Variants in PROSER2 observed in about 807,000 individuals in gnomAD.
PROSER2 encodes the protein proline and serine rich 2.
A neutral mutation model predicts 14.6 loss-of-function variants in PROSER2; 18 were observed. That is an observed-to-expected ratio of 1.23 (90% confidence interval 0.85 to 1.83). The LOEUF (loss-of-function observed/expected upper bound fraction) is 1.83, where lower values mean the gene tolerates loss of function less well. Among genes scored for constraint, PROSER2 ranks in the 40% most tolerant of loss-of-function variants. The probability of loss-of-function intolerance (pLI) is 0.00; values close to 1 mark genes in which losing one functional copy is unlikely to be tolerated. For synonymous variants in PROSER2, 367 were observed against 286.4 expected, an observed-to-expected ratio of 1.28 and a Z score of -2.84; for missense variants, 823 against 629.8, an observed-to-expected ratio of 1.31 and a Z score of -3.28.
In PROSER2 at chr10:11,870,400, T is replaced by C; in HGVS notation, c.1302T>C (p.Ser434=). 1 of 1,493,930 alleles carries C rather than the reference T, an allele frequency of 6.7e-7. No homozygotes were observed. Among genetic ancestry groups the C allele is most frequent in the Non-Finnish European group, 8.9e-7 (1 of 1,124,702 alleles). The allele number at this position is 1,493,930 out of a possible 1,614,324, so 92.5% of individuals were successfully genotyped here. ...ALRKLGLLRE[S]S The stretch of plus-strand genomic sequence containing the variant: ...GGAAGCTGGGGCTGCTCAGGGAGAG[T>C]TCGTGAGGGCCGCGCGGGCTCCAGT... Residue 434 remains serine (S), a synonymous_variant, in exon 4 of 4, where the codon AGT becomes AGC. Coordinates refer to ENST00000277570, the MANE Select transcript of PROSER2 (RefSeq NM_153256.4).
chr10:11,837,455 A>G lies in PROSER2; in HGVS notation c.-82+13985A>G, dbSNP rs1037158893. ...GTGCTGTCTGCAGATCCAAGCATCCACTGAGGGTCTTGGAACATACCCCCT... is the reference window on the plus strand; with the variant it reads ...GTGCTGTCTGCAGATCCAAGCATCCGCTGAGGGTCTTGGAACATACCCCCT... On this transcript the variant is annotated intron_variant, in intron 1 of 3. Transcript: ENST00000277570. This position sits in a 1 kb window ranked among gnomAD's most constrained non-coding sequence, Gnocchi z 4.6. Among the ~76,000 whole-genome samples the G allele has an allele frequency of 3.9e-5, 6 of 152,180 alleles. No individual in the cohort carries two copies. Among genetic ancestry groups the G allele is most frequent in the African/African-American group, 1.4e-4 (6 of 41,440 alleles).
intron 1 of PROSER2, among the ~76,000 whole-genome samples, chr10:11,832,259 G>C (rs1354836398): frequency 1.3e-5 from 2 of 152,154 alleles, no homozygotes; most frequent in Non-Finnish European, 1.5e-5. Flanking sequence ...ATCTTTCTTT[G>C]ATCTTCAGTG....
At chr10:11,831,309 T>A (rs1833686168) in intron 1 of PROSER2, among the ~76,000 whole-genome samples, 1 of 152,298 alleles carries the variant, frequency 6.6e-6, no homozygotes, top group African/African-American at 2.4e-5. Flanking sequence ...ACTACATTTA[T>A]CTCATTAGTG....
chr10:11,844,607 A>G (rs1833898029), intron 1 of PROSER2, among the ~76,000 whole-genome samples: 1 of 152,208 alleles, frequency 6.6e-6, no homozygotes, highest in African/African-American at 2.4e-5. Flanking sequence ...ACTCATCAGT[A>G]CATGGAGAGC....
chr10:11,840,361 C>T (rs1038000336), intron 1 of PROSER2, among the ~76,000 whole-genome samples: 1 of 151,390 alleles, frequency 6.6e-6, no homozygotes, highest in South Asian at 2.1e-4. Flanking sequence ...TTTTAAGTTT[C>T]TCAAATGCTT....
At chr10:11,842,979 C>T (rs1432396241) in intron 1 of PROSER2, among the ~76,000 whole-genome samples, 4 of 86,448 alleles carry the variant, frequency 4.6e-5, no homozygotes, top group Non-Finnish European at 1.0e-4. Context: ...CTTGCTCTGT[C>T]GCCCAGGCTG....
In PROSER2 at chr10:11,865,940, G is replaced by A. The variant is rs568148146; in HGVS notation, c.139-591G>A. On this transcript the variant is annotated intron_variant, in intron 2 of 3. Coordinates refer to ENST00000277570, the MANE Select transcript of PROSER2 (RefSeq NM_153256.4). This position sits in a 1 kb window ranked among gnomAD's most constrained non-coding sequence, Gnocchi z 4.2. The stretch of plus-strand genomic sequence containing the variant: ...TGGGCAGTTCTTCGGGATGCAGCAG[G>A]TGGGTCACTGGCTTTCCTGGGCCTT... Among the ~76,000 whole-genome samples the A allele has an allele frequency of 4.6e-5, 7 of 152,294 alleles. No homozygotes were observed. Among genetic ancestry groups the A allele is most frequent in the South Asian group, 4.1e-4 (2 of 4,824 alleles).
intron 1 of PROSER2, among the ~76,000 whole-genome samples, chr10:11,826,510 T>A (rs1047331355): frequency 2.6e-5 from 4 of 152,254 alleles, no homozygotes; most frequent in Non-Finnish European, 5.9e-5. Flanking sequence ...GTGAGGGTTC[T>A]AATTTCTCGA....
Position 11,870,278 on chromosome 10 carries a change from G to C in PROSER2, c.1180G>C (p.Asp394His), listed in dbSNP as rs201537600. 720 of 1,492,710 alleles carry C rather than the reference G, an allele frequency of 4.8e-4. 6 individuals carry two copies. The African/African-American group carries it at 9.4e-3, about 20-fold the overall frequency. The allele number at this position is 1,492,710 out of a possible 1,614,324, so 92.5% of individuals were successfully genotyped here. The change falls in exon 4 of 4, where the codon GAC (aspartate) becomes CAC (histidine). Residue 394 changes from aspartate to histidine, a missense_variant. Coordinates refer to ENST00000277570, the MANE Select transcript of PROSER2 (RefSeq NM_153256.4). ...GCCCCGGCAGCCCAACGGCGCCCAG[G>C]ACTGGCGCCGCGCAGACTCCCTGCC... Reference protein sequence around the residue: ...PGPRQPNGAQDWRRADSLPRP... With the variant: ...PGPRQPNGAQHWRRADSLPRP...
intron 2 of PROSER2, among the ~76,000 whole-genome samples, chr10:11,858,615 C>CAT (rs1022549451): frequency 2.6e-5 from 4 of 152,096 alleles, no homozygotes; most frequent in African/African-American, 9.7e-5. Context: ...AAAATCATAT[C>CAT]ATATATATAT....
At chr10:11,851,807 A>C in intron 1 of PROSER2, 190 bp from the exon 2 acceptor site, 1 of 298,042 alleles carries the variant, frequency 3.4e-6, no homozygotes, top group Non-Finnish European at 6.1e-6. Flanking sequence ...ATGTGTTCAG[A>C]ATGGTTAACA....
chr10:11,848,052 C>T (rs1017833216), intron 1 of PROSER2, among the ~76,000 whole-genome samples: 2 of 152,218 alleles, frequency 1.3e-5, no homozygotes, highest in African/African-American at 4.8e-5. Flanking sequence ...CCAGAGTCAG[C>T]CATGGTCATT....
chr10:11,832,817 CTTT>C (rs59913374), intron 1 of PROSER2, among the ~76,000 whole-genome samples: 1 of 150,982 alleles, frequency 6.6e-6, no homozygotes, highest in South Asian at 2.1e-4. Flanking sequence ...TTAGGGTGCT[CTTT>C]TTTTTTTATT....
intron 1 of PROSER2, among the ~76,000 whole-genome samples, chr10:11,828,003 C>T (rs1833639193): frequency 1.3e-5 from 2 of 151,970 alleles, no homozygotes; most frequent in Admixed American, 1.3e-4. Context: ...GTGATGTGCA[C>T]AGATTACATT....
At chr10:11,834,802 T>C (rs1833736327) in intron 1 of PROSER2, among the ~76,000 whole-genome samples, 1 of 151,852 alleles carries the variant, frequency 6.6e-6, no homozygotes, top group African/African-American at 2.4e-5. Context: ...ACTGGGATTT[T>C]AGAAATGTTA....
At chr10:11,857,627 C>T (rs748641939) in intron 2 of PROSER2, among the ~76,000 whole-genome samples, 3 of 152,000 alleles carry the variant, frequency 2.0e-5, no homozygotes, top group South Asian at 2.1e-4. Flanking sequence ...TGCCTGTAAT[C>T]CCAGCTGCTC....
intron 1 of PROSER2, among the ~76,000 whole-genome samples, chr10:11,843,175 C>T (rs1443622128): frequency 4.0e-5 from 6 of 149,550 alleles, no homozygotes; most frequent in Non-Finnish European, 7.4e-5. Context: ...CTCCTGACCT[C>T]GTGATCCGCC....
At chr10:11,857,860 TCTGCTG>T (rs912361957) in intron 2 of PROSER2, among the ~76,000 whole-genome samples, 1 of 152,104 alleles carries the variant, frequency 6.6e-6, no homozygotes, top group African/African-American at 2.4e-5. Flanking sequence ...AGAGATGAGT[TCTGCTG>T]CTTCACATTT....
chr10:11,869,994 C>T lies in PROSER2; in HGVS notation c.896C>T (p.Ala299Val), dbSNP rs1419520155. Residue 299 changes from alanine to valine, a missense_variant, in exon 4 of 4, where the codon GCG becomes GTG. Transcript: ENST00000277570. This position sits in a 1 kb window ranked among gnomAD's most constrained non-coding sequence, Gnocchi z 4.4. Reference protein sequence around the residue: ...IHGHAGAFPAAGDAGEGAPGG... With the variant: ...IHGHAGAFPAVGDAGEGAPGG... Reference sequence around the variant, plus strand: ...GGCCACGCCGGCGCCTTCCCCGCCGCGGGGGACGCCGGCGAGGGGGCCCCA... The same window carrying T: ...GGCCACGCCGGCGCCTTCCCCGCCGTGGGGGACGCCGGCGAGGGGGCCCCA... 6 of 1,260,068 alleles carry T rather than the reference C, an allele frequency of 4.8e-6. No homozygotes were observed. Among genetic ancestry groups the T allele is most frequent in the Non-Finnish European group, 5.0e-6 (5 of 1,004,956 alleles). 78.1% of individuals were successfully genotyped at this position (1,260,068 alleles called of 1,614,324 possible).
Sources: gnomAD v4.1 joint callset for allele counts (sites outside exome capture counted in the v4.1 genomes callset) on GRCh38, gnomAD v4.1.1 for gene constraint, Gnocchi (gnomAD v3.1) non-coding constraint, MANE v1.5 for transcripts, NCBI Gene and HGNC (gene_info 2026-07-23, HGNC 2026-07-21) for gene names.